The following HDX variants were observed in gnomAD, a reference collection of about 807,000 sequenced individuals.
HDX encodes the protein highly divergent homeobox, also known as chromosome X open reading frame 43.
Under a neutral mutation model 45.2 loss-of-function variants are expected in HDX, and 19 were observed. That is an observed-to-expected ratio of 0.42 (90% CI 0.29 to 0.62). The LOEUF (loss-of-function observed/expected upper bound fraction) is 0.62. Among genes scored for constraint, HDX ranks in the 20% least tolerant of loss-of-function variants. The probability of loss-of-function intolerance (pLI) is 0.20; values close to 1 mark genes in which losing one functional copy is unlikely to be tolerated. For missense variants in HDX, 532 were observed against 493.9 expected (o/e 1.08, Z -0.73); for synonymous variants, 188 against 172.8 (o/e 1.09, Z -0.69).
intron 4 of HDX, among the ~76,000 whole-genome samples, chrX:84,456,336 A>G (rs894707125): frequency 2.2e-4 from 25 of 111,575 alleles, no homozygotes; most frequent in African/African-American, 7.2e-4. Flanking sequence ...AATGGGATAT[A>G]AGATATTATT....
intron 3 of HDX, 48 bp from the exon 4 acceptor site, chrX:84,469,623 GAAGAAAAAACA>G: frequency 1.9e-6 from 2 of 1,049,167 alleles, no homozygotes; most frequent in Non-Finnish European, 2.5e-6. Context: ...AAAAACAAAC[GAAGAAAAAACA>G]AATTTTACGT....
At position 84,344,256 on chromosome X, in the gene HDX, A is replaced by G. The variant is rs1208992667; in HGVS notation, c.1654T>C (p.Ser552Pro). Residue 552 changes from serine (S) to proline (P), a missense_variant, in exon 7 of 11, where the codon TCT (serine) becomes CCT (proline). Ser to Pro is a moderately conservative substitution (Grantham distance 74). Transcript: ENST00000373177. ...EVSICLSEGSSQEEPNEVVPN... is the reference protein window; with the variant it reads ...EVSICLSEGSPQEEPNEVVPN... Reference sequence around the variant, plus strand: ...GATTCAGCATATAAAGTACCTTGAGAGCTTCCTTCAGACAAACAGATGGAT... The same window carrying G: ...GATTCAGCATATAAAGTACCTTGAGGGCTTCCTTCAGACAAACAGATGGAT... 8.4e-7 allele frequency: 1 copy of G among 1,191,809 alleles called. No individual in the cohort carries two copies. The highest frequency in any genetic ancestry group is 1.1e-6 in the Non-Finnish European group (1 of 879,458).
intron 6 of HDX, among the ~76,000 whole-genome samples, chrX:84,354,974 C>T (rs1361335766): frequency 1.1e-4 from 9 of 79,525 alleles, no homozygotes; most frequent in African/African-American, 2.3e-4. Flanking sequence ...TATATATATA[C>T]ACATACATAC....
chrX:84,489,228 C>A (rs1191974212), intron 1 of HDX, among the ~76,000 whole-genome samples: 3 of 111,269 alleles, frequency 2.7e-5, no homozygotes, highest in African/African-American at 9.8e-5. Context: ...TTTTATTTCA[C>A]ACATGAACTG....
intron 4 of HDX, among the ~76,000 whole-genome samples, chrX:84,445,176 A>G (rs1273567283): frequency 4.5e-5 from 5 of 112,203 alleles, no homozygotes; most frequent in Non-Finnish European, 1.9e-5. Flanking sequence ...TTATGAGGCT[A>G]GAAAAGCTAC....
intron 5 of HDX, among the ~76,000 whole-genome samples, chrX:84,413,869 G>A (rs2039043062): frequency 9.0e-6 from 1 of 111,261 alleles, no homozygotes; most frequent in African/African-American, 3.3e-5. Context: ...TAGGGGAGTA[G>A]ATCACTAAGT....
chrX:84,347,920 G>A lies in HDX; in HGVS notation c.1453-3463C>T, dbSNP rs1051132870. Reference sequence around the variant, plus strand: ...TTACAGTTTGAGTATGATATGCCTAGGTGTAGTTTTTTTTATTGTTTGTTT... The same window carrying A: ...TTACAGTTTGAGTATGATATGCCTAAGTGTAGTTTTTTTTATTGTTTGTTT... On this transcript the variant is annotated intron_variant, in intron 6 of 10. Transcript: ENST00000373177. Among the ~76,000 whole-genome samples the A allele has an allele frequency of 9.0e-5, 10 of 111,081 alleles. No homozygotes were observed. In the East Asian group the frequency reaches 2.6e-3, roughly 28 times the overall value.
At chrX:84,501,022 T>C (rs1376043079) in intron 1 of HDX, among the ~76,000 whole-genome samples, 1 of 110,996 alleles carries the variant, frequency 9.0e-6, no homozygotes, top group Non-Finnish European at 1.9e-5. Context: ...GAGGAACGTG[T>C]GAGAAGGCTT....
At chrX:84,387,281 T>C (rs886981782) in intron 5 of HDX, among the ~76,000 whole-genome samples, 7 of 112,037 alleles carry the variant, frequency 6.2e-5, no homozygotes, top group African/African-American at 2.3e-4. Context: ...TTGAATATGT[T>C]CTGTGTGCAG....
intron 6 of HDX, among the ~76,000 whole-genome samples, chrX:84,345,549 G>A (rs1205421969): frequency 9.0e-6 from 1 of 111,675 alleles, no homozygotes; most frequent in Non-Finnish European, 1.9e-5. Context: ...AAGGACACTT[G>A]CATTGTTTCA....
At chrX:84,446,172 TAAAC>T (rs1423183401) in intron 4 of HDX, among the ~76,000 whole-genome samples, 1 of 111,586 alleles carries the variant, frequency 9.0e-6, no homozygotes, top group Admixed American at 9.5e-5. Context: ...CACTAAAGAA[TAAAC>T]AATCACAAAT....
intron 2 of HDX, among the ~76,000 whole-genome samples, chrX:84,479,612 T>G (rs2040631677): frequency 1.8e-5 from 2 of 112,006 alleles, no homozygotes; most frequent in Admixed American, 1.9e-4. Context: ...GTATGTTTAA[T>G]TTAATAAGTT....
At chrX:84,405,693 A>G (rs2147968293) in intron 5 of HDX, among the ~76,000 whole-genome samples, 1 of 96,027 alleles carries the variant, frequency 1.0e-5, no homozygotes, top group Non-Finnish European at 2.1e-5. Flanking sequence ...TGTGTAAAGT[A>G]TTACGGAATG....
chrX:84,475,050 C>G (rs2040520631), intron 3 of HDX, among the ~76,000 whole-genome samples: 1 of 111,757 alleles, frequency 8.9e-6, no homozygotes, highest in South Asian at 3.7e-4. Context: ...GCAAGGGTTT[C>G]TGTGTGTTCA....
At chrX:84,327,446 C>T (rs1179894546) in intron 9 of HDX, among the ~76,000 whole-genome samples, 1 of 111,305 alleles carries the variant, frequency 9.0e-6, no homozygotes, top group Non-Finnish European at 1.9e-5. Flanking sequence ...GACATATCAA[C>T]CAATGGAAAA....
chrX:84,374,481 T>TA (rs1176398423), intron 5 of HDX, among the ~76,000 whole-genome samples: 3 of 109,738 alleles, frequency 2.7e-5, no homozygotes, highest in African/African-American at 1.0e-4. Flanking sequence ...AACAAAGCTA[T>TA]AGGCATCATG....
At chrX:84,394,772 T>G (rs866414957) in intron 5 of HDX, among the ~76,000 whole-genome samples, 1 of 85,533 alleles carries the variant, frequency 1.2e-5, no homozygotes, top group Non-Finnish European at 2.5e-5. Context: ...TCTTTTCAGT[T>G]TTTTTTTATT....
At position 84,468,839 on chromosome X, in the gene HDX, G is replaced by T. The variant is rs2040403505; in HGVS notation, c.884C>A (p.Ser295Tyr). Residue 295 changes from serine to tyrosine, a missense_variant, in exon 4 of 11, where the codon TCC becomes TAC. Ser to Tyr is a moderately radical substitution (Grantham distance 144). Transcript: ENST00000373177. ...AGCATCTCCAGTCTCCATTGCAATG[G>T]ACAAACAATTTCCTTCTGCTGAGCT... Reference protein sequence around the residue: ...KPSSAEGNCLSIAMETGDAED... With the variant: ...KPSSAEGNCLYIAMETGDAED... 2 of 1,209,742 alleles carry T rather than the reference G, an allele frequency of 1.7e-6. No homozygotes were observed.
At chrX:84,352,959 C>G (rs909668558) in intron 6 of HDX, among the ~76,000 whole-genome samples, 1 of 110,304 alleles carries the variant, frequency 9.1e-6, no homozygotes, top group Non-Finnish European at 1.9e-5. Context: ...GTCATAAAAG[C>G]TGGGGAAGAG....
Sources: gnomAD v4.1 joint callset for allele counts (sites outside exome capture counted in the v4.1 genomes callset) on GRCh38, gnomAD v4.1.1 for gene constraint, MANE v1.5 for transcripts, NCBI Gene and HGNC (gene_info 2026-07-23, HGNC 2026-07-21) for gene names.